Variants in TCERG1L observed in about 807,000 individuals in gnomAD.
TCERG1L encodes transcription elongation regulator 1 like.
TCERG1L carries 37 observed loss-of-function variants against 56.3 expected under a neutral mutation model. The observed-to-expected ratio is 0.66, with a 90% CI of 0.51 to 0.87. TCERG1L has a LOEUF of 0.87. Among genes scored for constraint, TCERG1L ranks in the 40% least tolerant of loss-of-function variants. TCERG1L has a pLI of 0.00. For missense variants in TCERG1L, 799 were observed against 774.2 expected (o/e 1.03, Z -0.38); for synonymous variants, 324 against 326.3 (o/e 0.99, Z 0.08).
intron 11 of TCERG1L, 71 bp downstream of exon 11, chr10:131,098,235 C>A: frequency 6.7e-7 from 1 of 1,485,318 alleles, no homozygotes; most frequent in Non-Finnish European, 9.1e-7. Context: ...CAAAAACAAA[C>A]CTGAAGAGTC....
intron 3 of TCERG1L, among the ~76,000 whole-genome samples, chr10:131,272,975 GC>G (rs1369814191): frequency 2.0e-5 from 3 of 152,200 alleles, no homozygotes; most frequent in Non-Finnish European, 4.4e-5. Flanking sequence ...GTGATCTGGC[GC>G]CTTTGCTGAT....
intron 4 of TCERG1L, among the ~76,000 whole-genome samples, chr10:131,202,440 G>A (rs1190020485): frequency 6.6e-6 from 1 of 152,164 alleles, no homozygotes; most frequent in Non-Finnish European, 1.5e-5. Flanking sequence ...AAATGAGCCA[G>A]GCGTGGTGGC....
intron 3 of TCERG1L, among the ~76,000 whole-genome samples, chr10:131,282,029 G>C (rs1033434689): frequency 4.0e-5 from 6 of 151,588 alleles, no homozygotes; most frequent in Admixed American, 6.6e-5. Context: ...CCAGCTACTC[G>C]GGAGGCTGAG....
intron 4 of TCERG1L, among the ~76,000 whole-genome samples, chr10:131,171,267 T>G (rs191058494): frequency 3.1e-4 from 47 of 152,082 alleles, no homozygotes; most frequent in African/African-American, 1.0e-3. Context: ...CAGAAACTCT[T>G]GGAACTCAGC....
intron 11 of TCERG1L, among the ~76,000 whole-genome samples, chr10:131,096,473 G>C (rs1308653599): frequency 1.3e-5 from 2 of 152,212 alleles, no homozygotes; most frequent in Non-Finnish European, 2.9e-5. Context: ...CCTGTCCTTA[G>C]AATAGCTAGA....
intron 4 of TCERG1L, among the ~76,000 whole-genome samples, chr10:131,225,771 C>T (rs1845785058): frequency 6.6e-6 from 1 of 151,958 alleles, no homozygotes; most frequent in Non-Finnish European, 1.5e-5. Flanking sequence ...ACAGCGATGC[C>T]CCAGGCTAGG....
chr10:131,187,357 T>C (rs915331742), intron 4 of TCERG1L, among the ~76,000 whole-genome samples: 2 of 152,190 alleles, frequency 1.3e-5, no homozygotes, highest in Admixed American at 6.5e-5. Flanking sequence ...GGCCCAGCCA[T>C]TGCAGAGAGC....
chr10:131,275,945 TC>T (rs1251209046), intron 3 of TCERG1L, among the ~76,000 whole-genome samples: 1 of 151,858 alleles, frequency 6.6e-6, no homozygotes, highest in African/African-American at 2.4e-5. Context: ...TCCCTTTGCC[TC>T]CCCCAGACTC....
chr10:131,275,239 G>A (rs149124929), intron 3 of TCERG1L, among the ~76,000 whole-genome samples: 4 of 152,256 alleles, frequency 2.6e-5, no homozygotes, highest in Admixed American at 6.5e-5. Context: ...GGGCCCCACC[G>A]CATGGGTATG....
intron 3 of TCERG1L, among the ~76,000 whole-genome samples, chr10:131,297,365 T>C (rs942648575): frequency 2.6e-5 from 4 of 152,208 alleles, no homozygotes; most frequent in Non-Finnish European, 5.9e-5. Flanking sequence ...ATAAACAGCA[T>C]TGATGGATTT....
chr10:131,184,996 G>A (rs933066976), intron 4 of TCERG1L, among the ~76,000 whole-genome samples: 2 of 152,188 alleles, frequency 1.3e-5, no homozygotes, highest in Non-Finnish European at 2.9e-5. Flanking sequence ...ACGGCAGGCT[G>A]AGGTGGGAGG....
At chr10:131,155,921 C>T (rs1471123339) in intron 6 of TCERG1L, 1 of 152,258 alleles carries the variant, frequency 6.6e-6, no homozygotes, top group East Asian at 1.9e-4. Context: ...AGTCCCCTCC[C>T]TGACAAGTGA....
At chr10:131,174,541 C>G (rs1846127638) in intron 4 of TCERG1L, among the ~76,000 whole-genome samples, 1 of 152,164 alleles carries the variant, frequency 6.6e-6, no homozygotes, top group East Asian at 1.9e-4. Context: ...TCTCACCCGC[C>G]CGTTCCCCAG....
chr10:131,163,572 C>T (rs751035711), intron 5 of TCERG1L, among the ~76,000 whole-genome samples: 8 of 152,272 alleles, frequency 5.3e-5, no homozygotes, highest in Non-Finnish European at 4.4e-5. Flanking sequence ...GCTGACCCAG[C>T]GGTGGGAGTC....
At chr10:131,258,809 A>C (rs1006667713) in intron 4 of TCERG1L, among the ~76,000 whole-genome samples, 1 of 152,170 alleles carries the variant, frequency 6.6e-6, no homozygotes, top group African/African-American at 2.4e-5. Flanking sequence ...CCTAATTGTT[A>C]TGTCACCTTA....
At position 131,218,501 on chromosome 10, in the gene TCERG1L, T is replaced by TTATG. The variant is rs1406717082; in HGVS notation, c.856+41757_856+41758insCATA. Among the ~76,000 whole-genome samples the TTATG allele has an allele frequency of 6.6e-5, 10 of 152,000 alleles. 1 individual carries two copies. Among genetic ancestry groups the TTATG allele is most frequent in the Admixed American group, 3.3e-4 (5 of 15,270 alleles). On this transcript the variant is annotated intron_variant, in intron 4 of 11. Coordinates refer to ENST00000368642, the MANE Select transcript of TCERG1L (RefSeq NM_174937.4). Reference sequence around the variant, plus strand: ...CGATCCTTTTTTTCTATTTATTTATTTATTTATTTGAGACAGAGTTTCGTT... The same window carrying TTATG: ...CGATCCTTTTTTTCTATTTATTTATTTATGTATTTATTTGAGACAGAGTTTCGTT...
chr10:131,206,404 G>A lies in TCERG1L; in HGVS notation c.857-39519C>T, dbSNP rs555135718. On this transcript the variant is annotated intron_variant, in intron 4 of 11. Transcript: ENST00000368642. ...GGCCCTGGGGCCCCAGACAGCCAAG[G>A]AAGGGAAGAATCCACCTGCCTCACC... 6.6e-5 allele frequency among the ~76,000 whole-genome samples: 10 copies of A among 152,298 alleles called. No individual in the cohort carries two copies. In the East Asian group the frequency reaches 1.7e-3, roughly 27 times the overall value.
At chr10:131,202,889 T>G (rs948605778) in intron 4 of TCERG1L, among the ~76,000 whole-genome samples, 5 of 152,168 alleles carry the variant, frequency 3.3e-5, no homozygotes, top group African/African-American at 1.2e-4. Context: ...AAGAAACACT[T>G]AAATAATTAA....
chr10:131,178,490 C>T (rs1845135486), intron 4 of TCERG1L, among the ~76,000 whole-genome samples: 2 of 152,172 alleles, frequency 1.3e-5, no homozygotes, highest in African/African-American at 4.8e-5. Flanking sequence ...AAAGGTGAGG[C>T]CCCCTAGCCA....
Sources: allele counts gnomAD v4.1 joint callset (sites outside exome capture counted in the v4.1 genomes callset), GRCh38; gene constraint gnomAD v4.1.1; transcripts MANE v1.5; gene names NCBI Gene and HGNC (gene_info 2026-07-23, HGNC 2026-07-21).